The following FANCC variants were observed in gnomAD, a reference collection of about 807,000 sequenced individuals.
The protein encoded by FANCC is FA complementation group C.
A neutral mutation model predicts 71.3 loss-of-function variants in FANCC; 55 were observed. The ratio of observed to expected loss-of-function variants is 0.77; its 90% CI spans 0.62 to 0.97. The LOEUF is 0.97. FANCC is among the 50% of genes least tolerant of loss of function. The pLI is 0.00. For missense variants in FANCC, 678 were observed against 670.9 expected, an observed-to-expected ratio of 1.01 and a Z score of -0.12; for synonymous variants, 275 against 244.9, an observed-to-expected ratio of 1.12 and a Z score of -1.15.
intron 4 of FANCC, among the ~76,000 whole-genome samples, chr9:95,188,927 G>T (rs1826903657): frequency 6.6e-6 from 1 of 150,708 alleles, no homozygotes; most frequent in South Asian, 2.1e-4. Context: ...TTACACATAA[G>T]TTACAAATGA....
chr9:95,183,092 C>A (rs1313373196), intron 4 of FANCC, among the ~76,000 whole-genome samples: 1 of 152,180 alleles, frequency 6.6e-6, no homozygotes, highest in Non-Finnish European at 1.5e-5. Context: ...CAGCCCCTTC[C>A]CACCTCCAGA....
At chr9:95,175,608 G>C (rs899616078) in intron 4 of FANCC, among the ~76,000 whole-genome samples, 5 of 152,226 alleles carry the variant, frequency 3.3e-5, no homozygotes. Flanking sequence ...GCCATGGCTG[G>C]GTGGGCAGAG....
chr9:95,117,849 G>A (rs538738075), intron 10 of FANCC, among the ~76,000 whole-genome samples: 1 of 151,384 alleles, frequency 6.6e-6, no homozygotes, highest in Non-Finnish European at 1.5e-5. Context: ...TGTCTCCCAA[G>A]TATCTGGGAT....
chr9:95,129,103 G>A (rs1428568654), intron 8 of FANCC, among the ~76,000 whole-genome samples: 8 of 151,850 alleles, frequency 5.3e-5, no homozygotes, highest in Non-Finnish European at 1.0e-4. Context: ...GGGTTTCACC[G>A]TGTTGGCCAG....
At chr9:95,278,731 A>C (rs931841242) in intron 1 of FANCC, among the ~76,000 whole-genome samples, 1 of 152,240 alleles carries the variant, frequency 6.6e-6, no homozygotes, top group Non-Finnish European at 1.5e-5. Context: ...GTCGAGAATC[A>C]TATGTATAGG....
At chr9:95,148,918 G>A (rs1039915174) in intron 7 of FANCC, among the ~76,000 whole-genome samples, 3 of 152,108 alleles carry the variant, frequency 2.0e-5, no homozygotes, top group Non-Finnish European at 2.9e-5. Flanking sequence ...GAATATTCCC[G>A]CCTTTCCCAA....
Position 95,118,575 on chromosome 9 carries a change from C to T in FANCC, c.997-1185G>A, listed in dbSNP as rs79681752. Among the ~76,000 whole-genome samples, 650 of 152,290 alleles carry T rather than the reference C, an allele frequency of 4.3e-3. 2 individuals are homozygous for T. Among genetic ancestry groups the T allele is most frequent in the African/African-American group, 0.015 (613 of 41,548 alleles). ...CCCTTCCAATTCTTAACAATCATTC[C>T]CTCCACCCCACCCTGGCAACCAATG... is the stretch of plus-strand genomic sequence containing the variant. On this transcript the variant is annotated intron_variant, in intron 10 of 14. Transcript: ENST00000289081.
intron 1 of FANCC, chr9:95,293,065 G>A (rs540859781): frequency 6.2e-7 from 1 of 1,603,850 alleles, no homozygotes; most frequent in African/African-American, 1.3e-5. Context: ...CAAGACCACT[G>A]AATCATTTAA....
chr9:95,215,855 G>A (rs535827698), intron 4 of FANCC, among the ~76,000 whole-genome samples: 2 of 152,338 alleles, frequency 1.3e-5, no homozygotes, highest in Admixed American at 1.3e-4. Context: ...CAGCATTCAA[G>A]TCTTCCCAGT....
At chr9:95,253,319 C>T (rs1831467113) in intron 1 of FANCC, among the ~76,000 whole-genome samples, 1 of 152,140 alleles carries the variant, frequency 6.6e-6, no homozygotes. Context: ...ACCTGTTGGG[C>T]ATATCTGACC....
chr9:95,129,145 A>G (rs937015184), intron 8 of FANCC, among the ~76,000 whole-genome samples: 6 of 152,028 alleles, frequency 3.9e-5, no homozygotes, highest in Admixed American at 1.3e-4. Flanking sequence ...TCACTGAAAA[A>G]AAAGAAAACC....
intron 4 of FANCC, among the ~76,000 whole-genome samples, chr9:95,191,420 C>A (rs936007938): frequency 3.6e-5 from 5 of 140,024 alleles, no homozygotes; most frequent in African/African-American, 1.3e-4. Flanking sequence ...GCAGCCAAGA[C>A]TTCCTCAGCT....
chr9:95,104,333 CAG>C (rs1435999912), intron 14 of FANCC, among the ~76,000 whole-genome samples: 4 of 152,366 alleles, frequency 2.6e-5, no homozygotes, highest in East Asian at 1.9e-4. Context: ...CCGTCCCTGA[CAG>C]AGTCAGTGCA....
rs187797048 is a variant in FANCC, at chr9:95,208,876, T to C, written c.345+31773A>G. On this transcript the variant is annotated intron_variant, in intron 4 of 14. Coordinates refer to ENST00000289081, the MANE Select transcript of FANCC (RefSeq NM_000136.3). Reference sequence around the variant, plus strand: ...ATACCCTTACCATATTCTCCACCTATCATACTCCTTGATATTTACCCAAAA... The same window carrying C: ...ATACCCTTACCATATTCTCCACCTACCATACTCCTTGATATTTACCCAAAA... Among the ~76,000 whole-genome samples the C allele has an allele frequency of 1.6e-3, 249 of 152,286 alleles. 1 individual carries two copies. Among genetic ancestry groups the C allele is most frequent in the Middle Eastern group, 3.4e-3 (1 of 294 alleles).
At chr9:95,251,283 C>A (rs558115663) in intron 1 of FANCC, among the ~76,000 whole-genome samples, 3 of 152,268 alleles carry the variant, frequency 2.0e-5, no homozygotes, top group Admixed American at 2.0e-4. Context: ...CAGCAAAACG[C>A]TTCTCCAGAT....
Position 95,147,727 on chromosome 9 carries a change from GT to G in FANCC, c.686+2195del, listed in dbSNP as rs1164079522. ...TATTTTGAATACTGTTATGGTGCAA[GT>G]TAACTGCCACATCAGTTTGAGACCA... On this transcript the variant is annotated intron_variant, in intron 7 of 14. Transcript: ENST00000289081. Among the ~76,000 whole-genome samples the G allele has an allele frequency of 3.3e-5, 5 of 152,262 alleles. No homozygotes were observed. The South Asian group carries it at 1.0e-3, about 32-fold the overall frequency.
intron 1 of FANCC, among the ~76,000 whole-genome samples, chr9:95,314,649 T>C (rs1835632154): frequency 6.6e-6 from 1 of 150,812 alleles, no homozygotes; most frequent in African/African-American, 2.4e-5. Flanking sequence ...CGAGACTCTG[T>C]CTCAAAAAAA....
intron 7 of FANCC, among the ~76,000 whole-genome samples, chr9:95,137,139 G>C (rs1035949949): frequency 6.6e-6 from 1 of 152,232 alleles, no homozygotes; most frequent in Admixed American, 6.5e-5. Flanking sequence ...CCCCTTCAAG[G>C]CCTGTCCCTT....
chr9:95,147,823 G>A (rs1327140318), intron 7 of FANCC, among the ~76,000 whole-genome samples: 1 of 152,174 alleles, frequency 6.6e-6, no homozygotes, highest in Non-Finnish European at 1.5e-5. Flanking sequence ...CAAGAGAACT[G>A]TACTTCTGCC....
Sources: allele counts gnomAD v4.1 joint callset (sites outside exome capture counted in the v4.1 genomes callset), GRCh38; gene constraint gnomAD v4.1.1; transcripts MANE v1.5; gene names NCBI Gene and HGNC (gene_info 2026-07-23, HGNC 2026-07-21).